Variants in PRAMEF4 observed in about 807,000 individuals in gnomAD.
The protein encoded by PRAMEF4 is PRAME family member 4, also known as RP5-845O24.6.
PRAMEF4 carries 18 observed loss-of-function variants against 34.4 expected under a neutral mutation model. The observed-to-expected ratio is 0.52, with a 90% CI of 0.36 to 0.78. The LOEUF (loss-of-function observed/expected upper bound fraction) is 0.78, where lower values mean the gene tolerates loss of function less well. Among genes scored for constraint, PRAMEF4 ranks in the 30% least tolerant of loss-of-function variants. PRAMEF4 has a pLI of 0.00. For synonymous variants in PRAMEF4, 156 were observed against 219.3 expected (o/e 0.71, Z 2.55); for missense variants, 482 against 569.1 (o/e 0.85, Z 1.56).
chr1:12,881,836 C>G lies in PRAMEF4; in HGVS notation c.875+18G>C. ...GCTCTGCTGTGGTCTGCAGAGAAAG[C>G]TCACCACCCTCCCTCACCTGAGCAG... On this transcript the variant is annotated intron_variant, in intron 3 of 3. Coordinates refer to ENST00000235349, the MANE Select transcript of PRAMEF4 (RefSeq NM_001009611.4). The G allele has an allele frequency of 6.2e-7, 1 of 1,600,200 alleles. No homozygotes were observed. The highest frequency in any genetic ancestry group is 8.5e-7 in the Non-Finnish European group (1 of 1,176,270).
At chr1:12,883,571 G>C (rs1640937192) in intron 1 of PRAMEF4, among the ~76,000 whole-genome samples, 161 bp from the exon 2 acceptor site, 1 of 149,126 alleles carries the variant, frequency 6.7e-6, no homozygotes, top group African/African-American at 2.5e-5. Context: ...CCAGCATTCT[G>C]CCTCTGCTGC....
In PRAMEF4 at chr1:12,883,700, T is replaced by G. The variant is rs563396224; in HGVS notation, c.-16-290A>C. Reference sequence around the variant, plus strand: ...GAGGAACCTGAAAGTGAACCCCTCCTACCATTGGGGGAAACTACTAATTAC... The same window carrying G: ...GAGGAACCTGAAAGTGAACCCCTCCGACCATTGGGGGAAACTACTAATTAC... On this transcript the variant is annotated intron_variant, in intron 1 of 3. Transcript: ENST00000235349. 1.4e-5 allele frequency among the ~76,000 whole-genome samples: 2 copies of G among 146,348 alleles called. 1 individual carries two copies. The highest frequency in any genetic ancestry group is 4.1e-4 in the East Asian group (2 of 4,898).
At chr1:12,881,428 G>T (rs1397962606) in intron 3 of PRAMEF4, among the ~76,000 whole-genome samples, 2 of 149,100 alleles carry the variant, frequency 1.3e-5, no homozygotes, top group Non-Finnish European at 3.0e-5. Flanking sequence ...CAGGGGTCTT[G>T]GTATGTTAGC....
At chr1:12,884,914 C>T (rs1170618496) in intron 1 of PRAMEF4, among the ~76,000 whole-genome samples, 1 of 150,292 alleles carries the variant, frequency 6.7e-6, no homozygotes, top group East Asian at 1.9e-4. Context: ...ATGTGTCCTT[C>T]AAAGTCCTGA....
chr1:12,880,298 C>A (rs552198619), intron 3 of PRAMEF4, among the ~76,000 whole-genome samples, 193 bp from the exon 4 acceptor site: 23 of 150,904 alleles, frequency 1.5e-4, no homozygotes, highest in Admixed American at 9.4e-4. Flanking sequence ...ACTTTAGACC[C>A]GGCCCAGTAA....
intron 1 of PRAMEF4, among the ~76,000 whole-genome samples, chr1:12,884,550 A>G (rs996073387): frequency 6.8e-6 from 1 of 146,744 alleles, no homozygotes; most frequent in Non-Finnish European, 1.5e-5. Context: ...CCCTGACTCT[A>G]CTAAGACAGC....
intron 2 of PRAMEF4, among the ~76,000 whole-genome samples, chr1:12,882,675 C>T (rs532334698): frequency 6.8e-6 from 1 of 147,798 alleles, no homozygotes; most frequent in South Asian, 2.2e-4. Context: ...ACTGCAACCT[C>T]TGCTTCCCAG....
chr1:12,881,608 C>T lies in PRAMEF4; in HGVS notation c.875+246G>A, dbSNP rs1640890551. On this transcript the variant is annotated intron_variant, in intron 3 of 3. Transcript: ENST00000235349. Reference sequence around the variant, plus strand: ...GCACCCTCACTAGATCTGAACCCCCCAGTAGCTGACTTCCTAGCATGGCAG... The same window carrying T: ...GCACCCTCACTAGATCTGAACCCCCTAGTAGCTGACTTCCTAGCATGGCAG... Among the ~76,000 whole-genome samples the T allele has an allele frequency of 3.6e-5, 5 of 140,468 alleles. 2 individuals are homozygous for T. The South Asian group carries it at 1.1e-3, about 31-fold the overall frequency. The allele number at this position is 140,468 out of a possible 152,430, so 92.2% of individuals were successfully genotyped here.
intron 1 of PRAMEF4, among the ~76,000 whole-genome samples, chr1:12,885,678 T>C (rs1322303422): frequency 6.8e-6 from 1 of 146,028 alleles, no homozygotes; most frequent in Non-Finnish European, 1.5e-5. Context: ...CTTCTGAGGA[T>C]GGAGACTGAG....
In PRAMEF4 at chr1:12,883,143, G is replaced by C. The variant is rs761753210; in HGVS notation, c.252C>G (p.Leu84=). The C allele has an allele frequency of 1.2e-6, 2 of 1,601,468 alleles. No homozygotes were observed. The highest frequency in any genetic ancestry group is 1.7e-5 in the Admixed American group (1 of 57,724). The change falls in exon 2 of 4, where the codon CTC becomes CTG. Residue 84 remains leucine (L), a synonymous_variant. Coordinates refer to ENST00000235349, the MANE Select transcript of PRAMEF4 (RefSeq NM_001009611.4). The part of the protein sequence containing the change: ...MPCLEAFQAV[L]DGLDALLNLG... The stretch of plus-strand genomic sequence containing the variant: ...GGTTAAGCAGTGCATCCAGCCCATC[G>C]AGCACAGCTTGGAAGGCCTCCAGAC...
intron 1 of PRAMEF4, among the ~76,000 whole-genome samples, chr1:12,884,988 G>A (rs2743628): frequency 1.4e-3 from 211 of 149,642 alleles, no homozygotes; most frequent in African/African-American, 5.1e-3. Flanking sequence ...AAACTTGAAA[G>A]TATCTTTGTT....
chr1:12,883,130 C>A lies in PRAMEF4; in HGVS notation c.265G>T (p.Ala89Ser), dbSNP rs747513435. 6.2e-7 allele frequency: 1 copy of A among 1,601,606 alleles called. No homozygotes were observed. The change falls in exon 2 of 4, where the codon GCA (alanine) becomes TCA (serine). Residue 89 changes from alanine (A) to serine (S), a missense_variant. Ala to Ser is a moderately conservative substitution (Grantham distance 99). Around this residue, in one of 6 missense-constraint regions of PRAMEF4, gnomAD observed 172 missense variants for 130.2 expected, o/e 1.32. Coordinates refer to ENST00000235349, the MANE Select transcript of PRAMEF4 (RefSeq NM_001009611.4). ...GGACGAACCCCTAGGTTAAGCAGTG[C>A]ATCCAGCCCATCGAGCACAGCTTGG... ...AFQAVLDGLD[A>S]LLNLGVRPRR...
rs1476105427 is a variant in PRAMEF4 at position 12,879,702 on chromosome 1, T to C, written c.1279A>G (p.Thr427Ala). The C allele has an allele frequency of 3.7e-6, 6 of 1,601,470 alleles. No individual in the cohort carries two copies. The highest frequency in any genetic ancestry group is 1.1e-5 in the South Asian group (1 of 90,322). ...TGAGCAAATCTGCTCCAGCAGAGAG[T>C]ACCATCAGCACCATAACTCTCCCGG... Reference protein sequence around the residue: ...APRESYGADGTLCWSRFAQIR... With the variant: ...APRESYGADGALCWSRFAQIR... Residue 427 changes from threonine to alanine, a missense_variant, in exon 4 of 4, where the codon ACT (threonine) becomes GCT (alanine). Thr to Ala is a moderately conservative substitution (Grantham distance 58, BLOSUM62 0). Around this residue, in one of 6 missense-constraint regions of PRAMEF4, gnomAD observed 116 missense variants for 105.2 expected, o/e 1.10. Coordinates refer to ENST00000235349, the MANE Select transcript of PRAMEF4 (RefSeq NM_001009611.4).
At chr1:12,885,883 TC>T (rs1224490088) in intron 1 of PRAMEF4, among the ~76,000 whole-genome samples, 1 of 128,528 alleles carries the variant, frequency 7.8e-6, no homozygotes, top group African/African-American at 3.2e-5. Context: ...CACTTTGGCC[TC>T]CCGAAGTGTT....
At position 12,881,327 on chromosome 1, in the gene PRAMEF4, C is replaced by G. The variant is rs1250067859; in HGVS notation, c.875+527G>C. On this transcript the variant is annotated intron_variant, in intron 3 of 3. Transcript: ENST00000235349. ...GTTGCTGCGAGCTGAGATGTCACAA[C>G]TGCACTGTAGCCTAGACGATCAAAG... Among the ~76,000 whole-genome samples, 3 of 148,706 alleles carry G rather than the reference C, an allele frequency of 2.0e-5. 1 individual carries two copies. Among genetic ancestry groups the G allele is most frequent in the Non-Finnish European group, 4.4e-5 (3 of 67,490 alleles).
Position 12,883,490 on chromosome 1 carries a change from T to A in PRAMEF4, c.-16-80A>T, listed in dbSNP as rs1345692311. On this transcript the variant is annotated intron_variant, in intron 1 of 3. Transcript: ENST00000235349. ...ATCTCATCCTCTCCTATGGCCAAAC[T>A]CACTGCTCTGGCAATGGTGAAAGAG... 6 of 1,561,770 alleles carry A rather than the reference T, an allele frequency of 3.8e-6. 1 individual carries two copies. In the Admixed American group the frequency reaches 7.4e-5, roughly 19 times the overall value.
At chr1:12,884,861 A>ACT (rs1640969067) in intron 1 of PRAMEF4, among the ~76,000 whole-genome samples, 1 of 150,148 alleles carries the variant, frequency 6.7e-6, no homozygotes, top group African/African-American at 2.5e-5. Context: ...AAAGTCCAGG[A>ACT]CTCATTCACT....
intron 1 of PRAMEF4, among the ~76,000 whole-genome samples, chr1:12,885,107 C>A (rs536886568): frequency 6.6e-6 from 1 of 150,970 alleles, no homozygotes; most frequent in South Asian, 2.1e-4. Context: ...CTTCATGTAT[C>A]CGATGATCAC....
chr1:12,881,983 T>C lies in PRAMEF4; in HGVS notation c.746A>G (p.Tyr249Cys), dbSNP rs188522629. Residue 249 changes from tyrosine to cysteine, a missense_variant, in exon 3 of 4, where the codon TAC becomes TGC. Tyr to Cys is a radical substitution (Grantham distance 194, BLOSUM62 -2). Transcript: ENST00000235349. ...LILSHMDVSR[Y>C]VSPEQKKEIV... ...CTCCTTCTTCTGCTCTGGGGAAACG[T>C]AGCGAGAGACATCCATGTGGGAGAG... 1.3e-6 allele frequency: 2 copies of C among 1,587,922 alleles called. No homozygotes were observed. The highest frequency in any genetic ancestry group is 2.8e-5 in the African/African-American group (2 of 71,664).
Sources: gnomAD v4.1 joint callset for allele counts (sites outside exome capture counted in the v4.1 genomes callset) on GRCh38, gnomAD v4.1.1 for gene constraint, gnomAD v4.1.1 regional missense constraint, MANE v1.5 for transcripts, NCBI Gene and HGNC (gene_info 2026-07-23, HGNC 2026-07-21) for gene names.